LRRC9: variants seen among roughly 807,000 people sequenced by gnomAD.
The protein encoded by LRRC9 is leucine-rich repeat-containing protein 9.
LRRC9 carries 122 observed loss-of-function variants against 63.2 expected under a neutral mutation model. That is an observed-to-expected ratio of 1.93 (90% CI 1.67 to 2.24). The LOEUF is 2.24. Ranked by LOEUF, LRRC9 falls within the 30% of genes most tolerant of loss-of-function variation. The pLI is 0.00. For missense variants in LRRC9, 1,071 were observed against 627.7 expected (o/e 1.71, Z -7.55); for synonymous variants, 366 against 213.1 (o/e 1.72, Z -6.25).
chr14:60,060,883 A>G lies in LRRC9; in HGVS notation c.4277-2440A>G, dbSNP rs1388277266. 2.0e-5 allele frequency among the ~76,000 whole-genome samples: 3 copies of G among 152,158 alleles called. No individual in the cohort carries two copies. Among genetic ancestry groups the G allele is most frequent in the African/African-American group, 7.2e-5 (3 of 41,442 alleles). Reference sequence around the variant, plus strand: ...CAGAGGAGGTCAAAATAGCAACCCTAATGGGAGTTTGGATGACTTTGAGGG... The same window carrying G: ...CAGAGGAGGTCAAAATAGCAACCCTGATGGGAGTTTGGATGACTTTGAGGG... On this transcript the variant is annotated intron_variant, in intron 31 of 31. Coordinates refer to ENST00000445360, the Ensembl canonical transcript of LRRC9. The surrounding 1 kb of genome is among the most constrained non-coding windows in gnomAD (Gnocchi z 4.0).
chr14:59,959,370 AT>A (rs1295643549), intron 8 of LRRC9, among the ~76,000 whole-genome samples: 2 of 152,178 alleles, frequency 1.3e-5, no homozygotes. Flanking sequence ...TTTAATAGTT[AT>A]TTTTTTCCAG....
intron 26 of LRRC9, among the ~76,000 whole-genome samples, chr14:60,020,670 G>C (rs1167557148): frequency 1.3e-5 from 2 of 151,794 alleles, no homozygotes; most frequent in Non-Finnish European, 2.9e-5. Flanking sequence ...CCTCTAATCT[G>C]TTTTCTAGAA....
intron 29 of LRRC9, among the ~76,000 whole-genome samples, chr14:60,043,727 C>CTATATAT (rs1287969778): frequency 7.0e-6 from 1 of 142,772 alleles, no homozygotes; most frequent in Non-Finnish European, 1.5e-5. Flanking sequence ...CTATATTCAT[C>CTATATAT]AGTGAGCGTA....
At chr14:59,940,783 T>G (rs1305388450) in intron 7 of LRRC9, among the ~76,000 whole-genome samples, 1 of 152,128 alleles carries the variant, frequency 6.6e-6, no homozygotes. Context: ...AATTCTTTTT[T>G]GGCCACCTAA....
In LRRC9 at chr14:59,944,866, TCACA is replaced by T. The variant is rs3069510; in HGVS notation, c.882+139_882+142del. The T allele has an allele frequency of 4.0e-3, 1,498 of 378,734 alleles. 5 individuals are homozygous for T. The highest frequency in any genetic ancestry group is 0.016 in the African/African-American group (765 of 46,766). 23.5% of individuals were successfully genotyped at this position (378,734 alleles called of 1,614,324 possible). ...ATATATAATACACACACACACACAC[TCACA>T]CACACACACACACACATATGTAATT... On this transcript the variant is annotated intron_variant, in intron 8 of 31. Transcript: ENST00000445360.
At chr14:59,989,391 TG>T (rs1250057550) in intron 17 of LRRC9, among the ~76,000 whole-genome samples, 1 of 152,116 alleles carries the variant, frequency 6.6e-6, no homozygotes, top group Non-Finnish European at 1.5e-5. Flanking sequence ...TTTTTCATCT[TG>T]TATTTCTCTT....
intron 17 of LRRC9, among the ~76,000 whole-genome samples, chr14:59,996,511 A>G (rs1285805759): frequency 6.6e-6 from 1 of 152,232 alleles, no homozygotes; most frequent in Non-Finnish European, 1.5e-5. Context: ...AACAAATTAA[A>G]GTCTTAGAGA....
intron 16 of LRRC9, among the ~76,000 whole-genome samples, chr14:59,982,874 C>T (rs1887077413): frequency 6.6e-6 from 1 of 152,174 alleles, no homozygotes; most frequent in Non-Finnish European, 1.5e-5. Flanking sequence ...AATAACCAAT[C>T]AGCTCTCTTC....
At chr14:60,055,897 CCT>C (rs1336786596) in intron 30 of LRRC9, among the ~76,000 whole-genome samples, 1 of 115,998 alleles carries the variant, frequency 8.6e-6, no homozygotes, top group Admixed American at 1.0e-4. Flanking sequence ...AAAGCAAGAC[CCT>C]GTCTTGGAAA....
chr14:59,919,767 A>T lies in LRRC9; in HGVS notation c.-150A>T, dbSNP rs1888600751. ...GCCAGAGAGGCTCCGCGCTTCCAGG[A>T]CCCGAGAGCTAAAGATAATGAATGG... On this transcript the variant is annotated 5_prime_UTR_variant, in exon 1 of 32. Transcript: ENST00000445360. This position sits in a 1 kb window ranked among gnomAD's most constrained non-coding sequence, Gnocchi z 4.5. 1 of 152,428 alleles carries T rather than the reference A, an allele frequency of 6.6e-6. No homozygotes were observed. The highest frequency in any genetic ancestry group is 1.9e-4 in the East Asian group (1 of 5,188). 9.4% of individuals were successfully genotyped at this position (152,428 alleles called of 1,614,324 possible). A position where few individuals can be genotyped will look rare whatever the true frequency, so the allele number is the denominator to read the frequency against.
At chr14:59,920,334 T>C (rs1207306946) in intron 1 of LRRC9, 61 bp downstream of exon 1, 1 of 152,210 alleles carries the variant, frequency 6.6e-6, no homozygotes, top group Non-Finnish European at 1.5e-5. Flanking sequence ...TGATCCCCTC[T>C]TTTTCCTTCC....
intron 17 of LRRC9, among the ~76,000 whole-genome samples, chr14:59,988,314 A>T (rs1378914049): frequency 6.6e-6 from 1 of 152,096 alleles, no homozygotes. Context: ...ACTGGACTGA[A>T]CTTGTTGGAA....
At chr14:59,961,162 C>A in intron 10 of LRRC9, 117 bp downstream of exon 10, 1 of 497,938 alleles carries the variant, frequency 2.0e-6, no homozygotes, top group Non-Finnish European at 3.5e-6. Flanking sequence ...ATTTCTCATG[C>A]AGAATATTCA....
At chr14:59,931,886 C>A (rs1465808017) in intron 5 of LRRC9, 83 bp from the exon 6 acceptor site, 1 of 651,342 alleles carries the variant, frequency 1.5e-6, no homozygotes, top group African/African-American at 1.8e-5. Context: ...ATGCAAGAAA[C>A]GATGGCTACA....
intron 30 of LRRC9, among the ~76,000 whole-genome samples, chr14:60,056,083 C>T (rs1894263325): frequency 6.6e-6 from 1 of 152,136 alleles, no homozygotes; most frequent in African/African-American, 2.4e-5. Flanking sequence ...TTCTCTCTGA[C>T]CTTCTGCCTC....
chr14:60,010,109 C>G (rs530487235), intron 23 of LRRC9, among the ~76,000 whole-genome samples: 2 of 152,310 alleles, frequency 1.3e-5, no homozygotes, highest in African/African-American at 2.4e-5. Context: ...GTGGTCCCCC[C>G]CTCACAGCTC....
chr14:60,030,966 A>T (rs1217365165), intron 28 of LRRC9, among the ~76,000 whole-genome samples: 1 of 152,058 alleles, frequency 6.6e-6, no homozygotes, highest in African/African-American at 2.4e-5. Context: ...TCTATTTCCC[A>T]TATTAACATT....
intron 29 of LRRC9, among the ~76,000 whole-genome samples, chr14:60,038,690 T>C (rs1345120046): frequency 6.6e-6 from 1 of 152,228 alleles, no homozygotes; most frequent in African/African-American, 2.4e-5. Context: ...GTTTTCCAAA[T>C]ATACAATCAT....
At chr14:59,995,623 C>T (rs1888681879) in intron 17 of LRRC9, among the ~76,000 whole-genome samples, 1 of 151,954 alleles carries the variant, frequency 6.6e-6, no homozygotes, top group Admixed American at 6.6e-5. Flanking sequence ...AACTGAAATA[C>T]TGTTTCATGA....
Sources: gnomAD v4.1 joint callset for allele counts (sites outside exome capture counted in the v4.1 genomes callset) on GRCh38, gnomAD v4.1.1 for gene constraint, Gnocchi (gnomAD v3.1) non-coding constraint, MANE v1.5 for transcripts, NCBI Gene and HGNC (gene_info 2026-07-23, HGNC 2026-07-21) for gene names.